ASAP2: variants seen among roughly 807,000 people sequenced by gnomAD.
ASAP2 encodes the protein arf-GAP with SH3 domain, ANK repeat and PH domain-containing protein 2.
A neutral mutation model predicts 131.4 loss-of-function variants in ASAP2; 45 were observed. That is an observed-to-expected ratio of 0.34 (90% CI 0.27 to 0.44). The LOEUF is 0.44. Among genes scored for constraint, ASAP2 ranks in the 20% least tolerant of loss-of-function variants. The probability of loss-of-function intolerance (pLI) is 1.00; values close to 1 mark genes in which losing one functional copy is unlikely to be tolerated. For missense variants in ASAP2, 1,011 were observed against 1,297.0 expected (o/e 0.78, Z 3.39); for synonymous variants, 510 against 503.0 (o/e 1.01, Z -0.19).
rs74740619 is a variant in ASAP2 at position 9,327,224 on chromosome 2, G to A, written c.601-602G>A. ...ATTTCAGAGATCATCTTCTGACAGC[G>A]GAGGGGATGGGGACTCATGAAGTCC... On this transcript the variant is annotated intron_variant, in intron 6 of 27. Coordinates refer to ENST00000281419, the MANE Select transcript of ASAP2 (RefSeq NM_003887.3). Among the ~76,000 whole-genome samples, 1,482 of 152,044 alleles carry A rather than the reference G, an allele frequency of 9.7e-3. 27 individuals carry two copies. The highest frequency in any genetic ancestry group is 0.034 in the African/African-American group (1,405 of 41,454).
chr2:9,388,633 AG>A, intron 22 of ASAP2, 87 bp downstream of exon 22: 1 of 1,522,638 alleles, frequency 6.6e-7, no homozygotes, highest in Non-Finnish European at 8.8e-7. Context: ...CCTCCAACTC[AG>A]TGACCTTTGG....
At chr2:9,401,741 C>T (rs1325649774) in intron 27 of ASAP2, among the ~76,000 whole-genome samples, 1 of 152,218 alleles carries the variant, frequency 6.6e-6, no homozygotes, top group Non-Finnish European at 1.5e-5. Context: ...AGAGAGCTGA[C>T]CTAGAGCGCA....
chr2:9,233,846 C>T (rs1481489485), intron 1 of ASAP2, among the ~76,000 whole-genome samples: 2 of 151,502 alleles, frequency 1.3e-5, no homozygotes, highest in African/African-American at 4.9e-5. Context: ...CATGGTGGCT[C>T]ACGCCTGTAA....
chr2:9,296,275 A>T (rs1290889178), intron 2 of ASAP2, among the ~76,000 whole-genome samples: 1 of 152,258 alleles, frequency 6.6e-6, no homozygotes, highest in Admixed American at 6.5e-5. Context: ...CTGACCTAGA[A>T]GTGAGGGAAT....
At chr2:9,367,027 A>ATTTTTTTTTTTTTTTTTTTTTTTT (rs1171661319) in intron 15 of ASAP2, among the ~76,000 whole-genome samples, 2 of 132,930 alleles carry the variant, frequency 1.5e-5, no homozygotes, top group African/African-American at 6.2e-5. Context: ...TGCCTGCATA[A>ATTTTTTTTTTTTTTTTTTTTTTTT]TTTTTTTTTT....
In ASAP2 at chr2:9,357,785, A is replaced by G. The variant is rs532014058; in HGVS notation, c.1328-971A>G. Among the ~76,000 whole-genome samples, 12 of 152,340 alleles carry G rather than the reference A, an allele frequency of 7.9e-5. No homozygotes were observed. In the South Asian group the frequency reaches 2.5e-3, roughly 32 times the overall value. The stretch of plus-strand genomic sequence containing the variant: ...GCCAAGAAGGTTTTCCAACATGGAT[A>G]ACATTTTTAATAACTTGAACATTTA... On this transcript the variant is annotated intron_variant, in intron 14 of 27. Transcript: ENST00000281419.
chr2:9,302,960 C>T (rs957393357), intron 3 of ASAP2, among the ~76,000 whole-genome samples: 1 of 152,168 alleles, frequency 6.6e-6, no homozygotes, highest in Non-Finnish European at 1.5e-5. Flanking sequence ...CAGGACTCTG[C>T]CCAGTGCTGT....
rs1202841008 is a variant in ASAP2 at position 9,404,691 on chromosome 2, G to A, written c.*1364G>A. The A allele has an allele frequency of 1.1e-4, 17 of 151,890 alleles. No individual in the cohort carries two copies. 9.4% of individuals were successfully genotyped at this position (151,890 alleles called of 1,614,324 possible). A position where few individuals can be genotyped will look rare whatever the true frequency, so the allele number is the denominator to read the frequency against. ...TGTTAACTGCATTTGTTGTGATGGT[G>A]CATTTGATTGAAGCAGCTTGTCTTT... On this transcript the variant is annotated 3_prime_UTR_variant, in exon 28 of 28. Coordinates refer to ENST00000281419, the MANE Select transcript of ASAP2 (RefSeq NM_003887.3).
At chr2:9,383,870 G>A (rs937868900) in intron 20 of ASAP2, among the ~76,000 whole-genome samples, 13 of 152,178 alleles carry the variant, frequency 8.5e-5, no homozygotes, top group African/African-American at 3.1e-4. Flanking sequence ...GTAGGGACAT[G>A]AATGAAACTG....
chr2:9,383,297 G>C (rs1185179151), intron 20 of ASAP2, among the ~76,000 whole-genome samples: 3 of 152,112 alleles, frequency 2.0e-5, no homozygotes, highest in African/African-American at 4.8e-5. Context: ...GTGTCTCTCT[G>C]TTGCCCAGGT....
chr2:9,334,087 G>A (rs985226952), intron 7 of ASAP2, among the ~76,000 whole-genome samples: 4 of 115,314 alleles, frequency 3.5e-5, no homozygotes, highest in African/African-American at 1.3e-4. Flanking sequence ...TCACTCTGTC[G>A]CCAGGCCAGA....
At chr2:9,359,011 G>T in intron 15 of ASAP2, 122 bp downstream of exon 15, 1 of 1,235,164 alleles carries the variant, frequency 8.1e-7, no homozygotes. Context: ...GATTGGTTTG[G>T]ATAATTAGAA....
intron 2 of ASAP2, among the ~76,000 whole-genome samples, chr2:9,284,643 G>T (rs1667351437): frequency 6.6e-6 from 1 of 152,182 alleles, no homozygotes; most frequent in Non-Finnish European, 1.5e-5. Flanking sequence ...CATGGTTCTG[G>T]ACATACACGT....
intron 1 of ASAP2, among the ~76,000 whole-genome samples, chr2:9,231,560 G>A (rs1663164452): frequency 6.6e-6 from 1 of 152,156 alleles, no homozygotes; most frequent in African/African-American, 2.4e-5. Flanking sequence ...CATGCCCATT[G>A]AGATGCCCGG....
chr2:9,384,999 T>C (rs902616001), intron 20 of ASAP2, among the ~76,000 whole-genome samples: 6 of 152,344 alleles, frequency 3.9e-5, no homozygotes, highest in Admixed American at 6.5e-5. Context: ...ATTTGAGAGT[T>C]ACGAGCCGGG....
At chr2:9,238,808 C>G (rs1443820195) in intron 1 of ASAP2, among the ~76,000 whole-genome samples, 1 of 152,188 alleles carries the variant, frequency 6.6e-6, no homozygotes, top group African/African-American at 2.4e-5. Flanking sequence ...CCGAAAGCTT[C>G]CCTCTTGCTA....
chr2:9,276,560 C>CA (rs1666774351), intron 1 of ASAP2, among the ~76,000 whole-genome samples: 1 of 151,886 alleles, frequency 6.6e-6, no homozygotes, highest in African/African-American at 2.4e-5. Flanking sequence ...CTTTTTGAGA[C>CA]AGAGTCTCAC....
intron 20 of ASAP2, among the ~76,000 whole-genome samples, chr2:9,381,537 G>C (rs1024405702): frequency 6.6e-6 from 1 of 152,214 alleles, no homozygotes; most frequent in Non-Finnish European, 1.5e-5. Flanking sequence ...AGGAATTCGA[G>C]ATCAGCCTGG....
intron 20 of ASAP2, among the ~76,000 whole-genome samples, 182 bp downstream of exon 20, chr2:9,380,990 C>G (rs1017811092): frequency 6.6e-6 from 1 of 152,112 alleles, no homozygotes; most frequent in Non-Finnish European, 1.5e-5. Flanking sequence ...ACAGGGAAAC[C>G]TAGGGGGACC....
Sources: gnomAD v4.1 joint callset for allele counts (sites outside exome capture counted in the v4.1 genomes callset) on GRCh38, gnomAD v4.1.1 for gene constraint, MANE v1.5 for transcripts, NCBI Gene and HGNC (gene_info 2026-07-23, HGNC 2026-07-21) for gene names.